The following HNF4A variants were observed in gnomAD, a reference collection of about 807,000 sequenced individuals.
The protein encoded by HNF4A is hepatocyte nuclear factor 4 alpha.
Under a neutral mutation model 52.4 loss-of-function variants are expected in HNF4A, and 15 were observed. The ratio of observed to expected loss-of-function variants is 0.29; its 90% CI spans 0.19 to 0.44. The LOEUF (loss-of-function observed/expected upper bound fraction) is 0.44. HNF4A is among the 20% of genes least tolerant of loss of function. The probability of loss-of-function intolerance (pLI) is 1.00; values close to 1 mark genes in which losing one functional copy is unlikely to be tolerated. For missense variants in HNF4A, 479 were observed against 647.2 expected (o/e 0.74, Z 2.82); for synonymous variants, 280 against 264.4 (o/e 1.06, Z -0.57).
chr20:44,368,158 A>ATT (rs1477714904), intron 1 of HNF4A, among the ~76,000 whole-genome samples: 1 of 13,218 alleles, frequency 7.6e-5, no homozygotes, highest in Non-Finnish European at 1.3e-4. Context: ...ATATATATAT[A>ATT]TATTTTTTTT....
Position 44,429,589 on chromosome 20 carries a change from C to T in HNF4A, c.1349C>T (p.Pro450Leu), listed in dbSNP as rs1488143159. 8.1e-6 allele frequency: 13 copies of T among 1,614,002 alleles called. No homozygotes were observed. The highest frequency in any genetic ancestry group is 1.1e-5 in the South Asian group (1 of 91,076). Residue 450 changes from proline to leucine, a missense_variant, in exon 10 of 10, where the codon CCG (proline) becomes CTG (leucine). Transcript: ENST00000316099. ...GGGTCTGAGCCCTATAAGCTCCTGC[C>T]GGGAGCCGTCGCCACAATCGTCAAG...
chr20:44,419,898 C>A, intron 7 of HNF4A, 22 bp downstream of exon 7: 1 of 1,612,106 alleles, frequency 6.2e-7, no homozygotes, highest in Non-Finnish European at 8.5e-7. Context: ...ACCTCCTAAG[C>A]CATCCCTGAC....
downstream of HNF4A, chr20:44,433,279 T>A (rs2063898082): frequency 6.5e-6 from 1 of 153,136 alleles, no homozygotes; most frequent in African/African-American, 2.4e-5. Flanking sequence ...GACAGAACCT[T>A]TTGCTGGGTC....
upstream of HNF4A, among the ~76,000 whole-genome samples, chr20:44,396,737 C>T (rs1161586963): frequency 2.6e-5 from 4 of 152,174 alleles, no homozygotes; most frequent in African/African-American, 4.8e-5. Context: ...TATGCCTACA[C>T]GTGGTCATTT....
intron 5 of HNF4A, among the ~76,000 whole-genome samples, chr20:44,415,647 T>C (rs1218538787): frequency 6.6e-6 from 1 of 152,166 alleles, no homozygotes; most frequent in Admixed American, 6.5e-5. Flanking sequence ...TGCATGTGAG[T>C]CTGTGAAAGC....
rs781033951 is a variant in HNF4A, at chr20:44,414,579, G to C, written c.565G>C (p.Glu189Gln). Reference sequence around the variant, plus strand: ...GATTGCCAGCATCGCAGATGTGTGTGAGTCCATGAAGGAGCAGCTGCTGGT... The same window carrying C: ...GATTGCCAGCATCGCAGATGTGTGTCAGTCCATGAAGGAGCAGCTGCTGGT... Residue 189 changes from glutamate to glutamine, a missense_variant, in exon 5 of 10, where the codon GAG (glutamate) becomes CAG (glutamine). Physicochemically the swap from Glu to Gln is conservative, Grantham distance 29. Around this residue, in one of 3 missense-constraint regions of HNF4A, gnomAD observed 389 missense variants for 525.1 expected, o/e 0.74. Transcript: ENST00000316099. The C allele has an allele frequency of 6.2e-7, 1 of 1,614,230 alleles. No individual in the cohort carries two copies. Among genetic ancestry groups the C allele is most frequent in the Non-Finnish European group, 8.5e-7 (1 of 1,180,046 alleles).
Position 44,423,574 on chromosome 20 carries a change from T to C in HNF4A, c.893-444T>C, listed in dbSNP as rs150465261. On this transcript the variant is annotated intron_variant, in intron 7 of 9. Coordinates refer to ENST00000316099, the MANE Select transcript of HNF4A (RefSeq NM_000457.6). ...GGAAGGGGAGCCTATTCTAACACAG[T>C]AGAAGCAGCAACTGCTGAGGTCTGG... Among the ~76,000 whole-genome samples the C allele has an allele frequency of 5.9e-4, 90 of 152,294 alleles. No homozygotes were observed. In the East Asian group the frequency reaches 0.016, roughly 28 times the overall value.
At chr20:44,414,410 C>A in intron 4 of HNF4A, 97 bp from the exon 5 acceptor site, 1 of 1,572,256 alleles carries the variant, frequency 6.4e-7, no homozygotes, top group Non-Finnish European at 8.7e-7. Context: ...CAGCCCCCTC[C>A]CCACATCTGA....
chr20:44,359,816 TGTCTACCACAATGGAGTAGA>T (rs1197143737), intron 1 of HNF4A, among the ~76,000 whole-genome samples: 4 of 152,028 alleles, frequency 2.6e-5, no homozygotes, highest in African/African-American at 9.7e-5. Flanking sequence ...TTCTGGGGAG[TGTCTACCACAATGGAGTAGA>T]GTAGACTGTG....
In HNF4A at chr20:44,431,030, C is replaced by G. The variant is rs1191585835; in HGVS notation, c.*1365C>G. ...CCTCCTCCCTCCCCGCCCTCACCCGCCCCACTCCCTCCTAACCTAGAGATT... is the reference window on the plus strand; with the variant it reads ...CCTCCTCCCTCCCCGCCCTCACCCGGCCCACTCCCTCCTAACCTAGAGATT... On this transcript the variant is annotated 3_prime_UTR_variant, in exon 10 of 10. Coordinates refer to ENST00000316099, the MANE Select transcript of HNF4A (RefSeq NM_000457.6). The G allele has an allele frequency of 1.3e-5, 2 of 151,988 alleles. No individual in the cohort carries two copies. Among genetic ancestry groups the G allele is most frequent in the Admixed American group, 6.6e-5 (1 of 15,264 alleles). The allele number at this position is 151,988 out of a possible 1,614,324, so 9.4% of individuals were successfully genotyped here.
intron 6 of HNF4A, among the ~76,000 whole-genome samples, chr20:44,419,441 C>T (rs2063713088): frequency 6.6e-6 from 1 of 152,158 alleles, no homozygotes; most frequent in Non-Finnish European, 1.5e-5. Flanking sequence ...ATCAGGTGAC[C>T]TTTGAATGTC....
chr20:44,387,309 AAAAAG>A (rs1448496184), intron 1 of HNF4A, among the ~76,000 whole-genome samples: 1 of 149,600 alleles, frequency 6.7e-6, no homozygotes, highest in Non-Finnish European at 1.5e-5. Flanking sequence ...AAAAAAAAAA[AAAAAG>A]AAGTATTCCA....
chr20:44,399,332 G>T (rs1485015405), upstream of HNF4A, among the ~76,000 whole-genome samples: 3 of 152,182 alleles, frequency 2.0e-5, no homozygotes, highest in Non-Finnish European at 4.4e-5. Flanking sequence ...GCCCTGAGAA[G>T]AGACGATGTA....
At position 44,428,492 on chromosome 20, in the gene HNF4A, G is replaced by A. The variant is rs771206629; in HGVS notation, c.1282+5G>A. 3.7e-6 allele frequency: 6 copies of A among 1,613,358 alleles called. No homozygotes were observed. Among genetic ancestry groups the A allele is most frequent in the Admixed American group, 3.3e-5 (2 of 59,926 alleles). On this transcript the variant is annotated splice_donor_5th_base_variant and intron_variant, in intron 9 of 9. Transcript: ENST00000316099. ...CCCGACCCAGGGGACAGGCAGGTGG[G>A]CAAACTCTGGGATTTTACCTTGCAA...
intron 9 of HNF4A, 41 bp from the exon 10 acceptor site, chr20:44,429,482 G>A (rs769072882): frequency 1.1e-5 from 18 of 1,613,988 alleles, no homozygotes; most frequent in Non-Finnish European, 1.1e-5. Context: ...CACAAAGGCT[G>A]GAATTTTGAG....
chr20:44,413,549 C>G (rs1377465352), intron 3 of HNF4A, 145 bp from the exon 4 acceptor site: 5 of 702,728 alleles, frequency 7.1e-6, no homozygotes, highest in Non-Finnish European at 7.8e-6. Flanking sequence ...GAGTTAGAGG[C>G]CATCTCCCCT....
intron 1 of HNF4A, among the ~76,000 whole-genome samples, chr20:44,378,199 T>C (rs867504017): frequency 6.6e-6 from 1 of 152,162 alleles, no homozygotes; most frequent in Non-Finnish European, 1.5e-5. Context: ...CATTTATCTA[T>C]TGTATTATTT....
upstream of HNF4A, chr20:44,401,212 C>A: frequency 6.6e-7 from 1 of 1,505,990 alleles, no homozygotes; most frequent in South Asian, 1.3e-5. Context: ...TCCACCCCTT[C>A]ACAGAGGCTA....
At chr20:44,393,340 T>A (rs1281315861) in intron 1 of HNF4A, among the ~76,000 whole-genome samples, 1 of 152,164 alleles carries the variant, frequency 6.6e-6, no homozygotes, top group Non-Finnish European at 1.5e-5. Flanking sequence ...CAGATCCAAG[T>A]CCTCCTGGCT....
Sources: allele counts gnomAD v4.1 joint callset (sites outside exome capture counted in the v4.1 genomes callset), GRCh38; gene constraint gnomAD v4.1.1; regional missense constraint gnomAD v4.1.1; transcripts MANE v1.5; gene names NCBI Gene and HGNC (gene_info 2026-07-23, HGNC 2026-07-21).